The following MAGI2 variants were observed in gnomAD, a reference collection of about 807,000 sequenced individuals.
The protein encoded by MAGI2 is membrane associated guanylate kinase, WW and PDZ domain containing 2.
MAGI2 carries 35 observed loss-of-function variants against 133.3 expected under a neutral mutation model. That is an observed-to-expected ratio of 0.26 (90% CI 0.20 to 0.35). The LOEUF (loss-of-function observed/expected upper bound fraction) is 0.35, where lower values mean the gene tolerates loss of function less well. MAGI2 is among the 10% of genes least tolerant of loss of function. The pLI is 1.00. For missense variants in MAGI2, 1,636 were observed against 1,863.4 expected, an observed-to-expected ratio of 0.88 and a Z score of 2.25; for synonymous variants, 729 against 710.6, an observed-to-expected ratio of 1.03 and a Z score of -0.41.
At chr7:78,142,762 C>T (rs1398961721) in intron 16 of MAGI2, among the ~76,000 whole-genome samples, 1 of 152,244 alleles carries the variant, frequency 6.6e-6, no homozygotes, top group East Asian at 1.9e-4. Context: ...AGCAAAGAAA[C>T]TTCAGAATAG....
At chr7:78,289,386 C>G (rs183373540) in intron 9 of MAGI2, among the ~76,000 whole-genome samples, 557 of 151,864 alleles carry the variant, frequency 3.7e-3, no homozygotes, top group Non-Finnish European at 6.8e-3. Flanking sequence ...TGAAATGAAG[C>G]GAGAAGAGAA....
chr7:78,536,283 T>A (rs1797914508), intron 3 of MAGI2, among the ~76,000 whole-genome samples: 1 of 150,046 alleles, frequency 6.7e-6, no homozygotes, highest in African/African-American at 2.5e-5. Context: ...CGGCTAATTT[T>A]TTGTATTTTT....
At chr7:78,966,642 G>A (rs78665484) in intron 2 of MAGI2, among the ~76,000 whole-genome samples, 1 of 152,084 alleles carries the variant, frequency 6.6e-6, no homozygotes, top group South Asian at 2.1e-4. Context: ...CCATGGGCAT[G>A]TGAATATCTC....
intron 2 of MAGI2, among the ~76,000 whole-genome samples, chr7:78,973,488 A>C (rs1462802255): frequency 6.6e-6 from 1 of 151,828 alleles, no homozygotes; most frequent in Admixed American, 6.6e-5. Context: ...CTGTGCAAAC[A>C]GCCTTAAGTT....
chr7:78,061,253 G>C (rs1157246667), intron 21 of MAGI2, among the ~76,000 whole-genome samples: 1 of 151,542 alleles, frequency 6.6e-6, no homozygotes, highest in African/African-American at 2.4e-5. Context: ...TCAATGAGCA[G>C]GGAAGATATA....
intron 1 of MAGI2, among the ~76,000 whole-genome samples, chr7:79,070,824 T>C (rs141828797): frequency 6.9e-4 from 105 of 152,266 alleles, no homozygotes; most frequent in African/African-American, 2.3e-3. Flanking sequence ...CTATACTGGT[T>C]ATTCTAGTTA....
At chr7:78,938,479 G>T (rs1800704088) in intron 2 of MAGI2, among the ~76,000 whole-genome samples, 1 of 151,836 alleles carries the variant, frequency 6.6e-6, no homozygotes, top group Admixed American at 6.6e-5. Context: ...TATTTCTCAG[G>T]GTTTTTCCTC....
chr7:79,250,221 C>G (rs1833136489), intron 1 of MAGI2, among the ~76,000 whole-genome samples: 1 of 151,960 alleles, frequency 6.6e-6, no homozygotes, highest in Non-Finnish European at 1.5e-5. Flanking sequence ...CTTTTCTCTT[C>G]TCTAAGATCC....
intron 2 of MAGI2, among the ~76,000 whole-genome samples, chr7:78,971,932 T>C (rs900996601): frequency 3.9e-5 from 6 of 151,946 alleles, no homozygotes; most frequent in African/African-American, 1.4e-4. Flanking sequence ...AATGTATTCC[T>C]AGTACATTTT....
At chr7:78,307,575 C>T (rs1798345518) in intron 9 of MAGI2, among the ~76,000 whole-genome samples, 1 of 152,126 alleles carries the variant, frequency 6.6e-6, no homozygotes, top group Non-Finnish European at 1.5e-5. Flanking sequence ...GATAACAAAA[C>T]ATGAAGCAGT....
At chr7:78,313,306 A>G (rs989731965) in intron 9 of MAGI2, among the ~76,000 whole-genome samples, 1 of 152,162 alleles carries the variant, frequency 6.6e-6, no homozygotes, top group African/African-American at 2.4e-5. Flanking sequence ...CAATATATCT[A>G]TGTAACAAAA....
intron 2 of MAGI2, among the ~76,000 whole-genome samples, chr7:78,726,055 A>G (rs1390583345): frequency 6.6e-6 from 1 of 152,156 alleles, no homozygotes; most frequent in Non-Finnish European, 1.5e-5. Flanking sequence ...ATTGAAGTTA[A>G]TATTATATTA....
chr7:79,099,819 T>G (rs1817821064), intron 1 of MAGI2, among the ~76,000 whole-genome samples: 1 of 152,200 alleles, frequency 6.6e-6, no homozygotes, highest in Non-Finnish European at 1.5e-5. Flanking sequence ...TCCTTTTTTT[T>G]GGCTGCATAG....
chr7:79,306,818 GA>G (rs1349903833), intron 1 of MAGI2, among the ~76,000 whole-genome samples: 2 of 140,888 alleles, frequency 1.4e-5, no homozygotes, highest in Non-Finnish European at 3.0e-5. Context: ...GATTTCTGAA[GA>G]ATTTTTTTTT....
At chr7:79,139,820 A>G (rs1821948372) in intron 1 of MAGI2, 2 of 152,264 alleles carry the variant, frequency 1.3e-5, no homozygotes, top group African/African-American at 2.4e-5. Flanking sequence ...GTGGAGCCTA[A>G]TGGTTAATCT....
At chr7:78,230,589 G>A (rs889442123) in intron 10 of MAGI2, among the ~76,000 whole-genome samples, 2 of 152,084 alleles carry the variant, frequency 1.3e-5, no homozygotes, top group African/African-American at 4.8e-5. Context: ...TTCTGAAGGA[G>A]TCAATTGAAA....
chr7:78,241,176 C>T (rs558401524), intron 10 of MAGI2, among the ~76,000 whole-genome samples: 157 of 150,854 alleles, frequency 1.0e-3, no homozygotes, highest in African/African-American at 3.7e-3. Flanking sequence ...TCCTGCAGAG[C>T]CAAGCAGAAG....
chr7:78,243,372 T>C (rs185422448), intron 10 of MAGI2, among the ~76,000 whole-genome samples: 76 of 152,330 alleles, frequency 5.0e-4, no homozygotes, highest in African/African-American at 1.6e-3. Flanking sequence ...ACATTTTTTC[T>C]GTAAATTCAA....
intron 1 of MAGI2, among the ~76,000 whole-genome samples, chr7:79,019,160 A>T (rs114180068): frequency 0.023 from 3,555 of 152,272 alleles, 140 homozygotes; most frequent in African/African-American, 0.08. Flanking sequence ...ACACTCAGCA[A>T]ATGAAAAAAC....
Sources: allele counts gnomAD v4.1 joint callset (sites outside exome capture counted in the v4.1 genomes callset), GRCh38; gene constraint gnomAD v4.1.1; transcripts MANE v1.5; gene names NCBI Gene and HGNC (gene_info 2026-07-23, HGNC 2026-07-21).